NPRL3: variants seen among roughly 807,000 people sequenced by gnomAD.
The protein encoded by NPRL3 is GATOR1 complex protein NPRL3.
A neutral mutation model predicts 57.2 loss-of-function variants in NPRL3; 23 were observed. The observed-to-expected ratio is 0.40, with a 90% CI of 0.29 to 0.57. The LOEUF is 0.57. Ranked by LOEUF, NPRL3 falls within the 20% of genes least tolerant of loss-of-function variation. NPRL3 has a pLI of 0.42. For missense variants in NPRL3, 691 were observed against 767.1 expected, an observed-to-expected ratio of 0.90 and a Z score of 1.17; for synonymous variants, 333 against 321.1, an observed-to-expected ratio of 1.04 and a Z score of -0.39.
chr16:125,603 C>T (rs899165170), intron 3 of NPRL3: 1 of 152,212 alleles, frequency 6.6e-6, no homozygotes, highest in African/African-American at 2.4e-5. Flanking sequence ...TAACAGAAAA[C>T]AGTGGAACTA....
chr16:92,510 T>G, intron 11 of NPRL3, 86 bp downstream of exon 11: 1 of 1,501,004 alleles, frequency 6.7e-7, no homozygotes, highest in South Asian at 1.2e-5. Context: ...TGCTGAGGGC[T>G]CTCAGATCAG....
intron 5 of NPRL3, among the ~76,000 whole-genome samples, chr16:115,375 T>C (rs216094): frequency 0.064 from 9,703 of 151,940 alleles, 1,023 homozygotes; most frequent in African/African-American, 0.22. Flanking sequence ...AAGTATATAT[T>C]TTAAAAAGAA....
At chr16:109,443 CTT>C (rs1418125088) in intron 7 of NPRL3, among the ~76,000 whole-genome samples, 1 of 152,302 alleles carries the variant, frequency 6.6e-6, no homozygotes, top group East Asian at 1.9e-4. Context: ...TCAATTTCCT[CTT>C]GAGTGACTGG....
At position 85,917 on chromosome 16, in the gene NPRL3, G is replaced by A. The variant is rs192090533; in HGVS notation, c.*788C>T. ...AGCTAGCTCTTCCTCCAGGACACGA[G>A]AGCTGGGGGCCTGAGTACGTAGCGC... is the stretch of plus-strand genomic sequence containing the variant. On this transcript the variant is annotated 3_prime_UTR_variant, in exon 14 of 14. Coordinates refer to ENST00000611875, the MANE Select transcript of NPRL3 (RefSeq NM_001077350.3). 5 of 1,044,394 alleles carry A rather than the reference G, an allele frequency of 4.8e-6. No individual in the cohort carries two copies. In the African/African-American group the frequency reaches 6.5e-5, roughly 14 times the overall value. The allele number at this position is 1,044,394 out of a possible 1,614,324, so 64.7% of individuals were successfully genotyped here.
Position 110,047 on chromosome 16 carries a change from G to A in NPRL3, c.629+478C>T, listed in dbSNP as rs1457341440. ...TCCCAACACTTTGGGAGGCCGAGGCGGGTGGATCACCTGAAGTCGGGAGAC... is the reference window on the plus strand; with the variant it reads ...TCCCAACACTTTGGGAGGCCGAGGCAGGTGGATCACCTGAAGTCGGGAGAC... On this transcript the variant is annotated intron_variant, in intron 7 of 13. Coordinates refer to ENST00000611875, the MANE Select transcript of NPRL3 (RefSeq NM_001077350.3). Among the ~76,000 whole-genome samples, 12 of 152,274 alleles carry A rather than the reference G, an allele frequency of 7.9e-5. No individual in the cohort carries two copies. In the East Asian group the frequency reaches 1.9e-3, roughly 25 times the overall value.
chr16:118,469 C>A (rs1900141212), intron 4 of NPRL3, among the ~76,000 whole-genome samples: 2 of 152,128 alleles, frequency 1.3e-5, no homozygotes, highest in Non-Finnish European at 1.5e-5. Context: ...TTGCACCACA[C>A]TGTAGAAAAT....
chr16:117,030 G>A lies in NPRL3; in HGVS notation c.393+271C>T, dbSNP rs145374061. ...GTATGGGGTTTCCTTCTGGGGTGGT[G>A]AAAGTGTTCTGGATCTAGATAGTGG... On this transcript the variant is annotated intron_variant, in intron 5 of 13. Transcript: ENST00000611875. Among the ~76,000 whole-genome samples, 672 of 152,182 alleles carry A rather than the reference G, an allele frequency of 4.4e-3. 7 individuals carry two copies. Among genetic ancestry groups the A allele is most frequent in the African/African-American group, 0.015 (622 of 41,516 alleles).
At chr16:101,294 C>T (rs1347080663) in intron 7 of NPRL3, among the ~76,000 whole-genome samples, 2 of 152,162 alleles carry the variant, frequency 1.3e-5, no homozygotes, top group Non-Finnish European at 2.9e-5. Context: ...TGCCAAGTCC[C>T]CCAGAGTGTT....
At position 136,340 on chromosome 16, in the gene NPRL3, C is replaced by T. The variant is rs115362402; in HGVS notation, c.118+1810G>A. Among the ~76,000 whole-genome samples, 463 of 152,332 alleles carry T rather than the reference C, an allele frequency of 3.0e-3. 2 individuals are homozygous for T. The highest frequency in any genetic ancestry group is 0.01 in the African/African-American group (435 of 41,582). ...CAAAGATGCAGACATGAAGTGAAAA[C>T]GAAAACAGGGGCAGAACAGTGTGTA... On this transcript the variant is annotated intron_variant, in intron 2 of 13. Coordinates refer to ENST00000611875, the MANE Select transcript of NPRL3 (RefSeq NM_001077350.3).
intron 5 of NPRL3, among the ~76,000 whole-genome samples, chr16:113,293 C>G (rs977632387): frequency 3.3e-5 from 5 of 152,172 alleles, no homozygotes; most frequent in African/African-American, 1.2e-4. Context: ...ATGCACGGTA[C>G]AAAAAGAGAG....
At chr16:135,619 A>T (rs1421246194) in intron 2 of NPRL3, among the ~76,000 whole-genome samples, 1 of 151,608 alleles carries the variant, frequency 6.6e-6, no homozygotes, top group Non-Finnish European at 1.5e-5. Flanking sequence ...AAAAAAAAAA[A>T]AAAAAAAAAA....
chr16:89,552 G>A, intron 12 of NPRL3, 161 bp downstream of exon 12: 1 of 621,876 alleles, frequency 1.6e-6, no homozygotes, highest in Non-Finnish European at 2.6e-6. Context: ...GGTGCTAGGA[G>A]ACAGGAGAGG....
intron 2 of NPRL3, among the ~76,000 whole-genome samples, chr16:137,099 A>G (rs1426850191): frequency 6.7e-6 from 1 of 148,364 alleles, no homozygotes; most frequent in African/African-American, 2.5e-5. Flanking sequence ...CATGCCCTGT[A>G]GCCCCAGCTA....
chr16:89,562 G>C (rs1898665709), intron 12 of NPRL3, 151 bp downstream of exon 12: 1 of 660,308 alleles, frequency 1.5e-6, no homozygotes, highest in Admixed American at 3.8e-5. Context: ...GACAGGAGAG[G>C]TGTCTCCACG....
intron 9 of NPRL3, among the ~76,000 whole-genome samples, chr16:95,376 CACACACACAA>C (rs1341903818): frequency 4.6e-5 from 5 of 109,230 alleles, no homozygotes; most frequent in South Asian, 5.8e-4. Flanking sequence ...CACACACACA[CACACACACAA>C]TAAAATGTAT....
At chr16:100,994 A>AAAAAAAAAAG (rs1899276041) in intron 7 of NPRL3, among the ~76,000 whole-genome samples, 1 of 145,802 alleles carries the variant, frequency 6.9e-6, no homozygotes, top group African/African-American at 2.5e-5. Context: ...AAAAAAAGGA[A>AAAAAAAAAAG]GAAGAAGAAG....
chr16:123,452 A>AAG, intron 3 of NPRL3: 1 of 470,118 alleles, frequency 2.1e-6, no homozygotes, highest in Non-Finnish European at 4.4e-6. Flanking sequence ...CAATTACAAG[A>AAG]AGAGAAGGCA....
In NPRL3 at chr16:132,195, A is replaced by G. The variant is rs556765617; in HGVS notation, c.119-1604T>C. On this transcript the variant is annotated intron_variant, in intron 2 of 13. Transcript: ENST00000611875. ...GCTAGTTTTTGTATTTTTAATAGAG[A>G]TGAATTTTTGTCATGTTGCACAGGT... is the stretch of plus-strand genomic sequence containing the variant. Among the ~76,000 whole-genome samples the G allele has an allele frequency of 3.0e-4, 45 of 152,094 alleles. No homozygotes were observed. The South Asian group carries it at 7.5e-3, about 25-fold the overall frequency.
rs375592476 is a variant in NPRL3 at position 100,395 on chromosome 16, G to A, written c.744C>T (p.Ile248=). Residue 248 remains isoleucine (I), a synonymous_variant, in exon 8 of 14, where the codon ATC becomes ATT. Coordinates refer to ENST00000611875, the MANE Select transcript of NPRL3 (RefSeq NM_001077350.3). ...ACCGGATGGCTTTCAGGCTCCGTTC[G>A]ATGGCCTCTGGGGGGATCAGACTGG... ...AASSLIPPEA[I]ERSLKAIRPY... is the part of the protein sequence containing the mutation. The A allele has an allele frequency of 1.0e-5, 16 of 1,563,258 alleles. No homozygotes were observed. Among genetic ancestry groups the A allele is most frequent in the African/African-American group, 4.1e-5 (3 of 72,306 alleles).
Sources: allele counts gnomAD v4.1 joint callset (sites outside exome capture counted in the v4.1 genomes callset), GRCh38; gene constraint gnomAD v4.1.1; transcripts MANE v1.5; gene names NCBI Gene and HGNC (gene_info 2026-07-23, HGNC 2026-07-21).